ZC3H12C: variants seen among roughly 807,000 people sequenced by gnomAD.
ZC3H12C encodes the protein probable ribonuclease ZC3H12C.
A neutral mutation model predicts 76.3 loss-of-function variants in ZC3H12C; 20 were observed. The ratio of observed to expected loss-of-function variants is 0.26; its 90% CI spans 0.18 to 0.38. The LOEUF is 0.38. Ranked by LOEUF, ZC3H12C falls within the 10% of genes least tolerant of loss-of-function variation. The probability of loss-of-function intolerance (pLI) is 1.00; values close to 1 mark genes in which losing one functional copy is unlikely to be tolerated. For missense variants in ZC3H12C, 874 were observed against 1,086.5 expected, an observed-to-expected ratio of 0.80 and a Z score of 2.75; for synonymous variants, 352 against 399.6, an observed-to-expected ratio of 0.88 and a Z score of 1.42.
At position 110,164,727 on chromosome 11, in the gene ZC3H12C, T is replaced by C; in HGVS notation, c.1642T>C (p.Phe548Leu). ...CAATGGCCTTCCATCTGGAGTTCAT[T>C]TCCCACCTCAGGATCAAAGACCACA... ...LSNGLPSGVHFPPQDQRPQGQ... is the reference protein window; with the variant it reads ...LSNGLPSGVHLPPQDQRPQGQ... Residue 548 changes from phenylalanine to leucine, a missense_variant, in exon 6 of 6, where the codon TTC becomes CTC. By Grantham distance (22) the Phe-to-Leu change is conservative. Coordinates refer to ENST00000278590, the MANE Select transcript of ZC3H12C (RefSeq NM_033390.2). This position sits in a 1 kb window ranked among gnomAD's most constrained non-coding sequence, Gnocchi z 5.7. 6.2e-7 allele frequency: 1 copy of C among 1,613,976 alleles called. No homozygotes were observed. The highest frequency in any genetic ancestry group is 8.5e-7 in the Non-Finnish European group (1 of 1,179,894).
chr11:110,151,219 A>G (rs1230437220), intron 2 of ZC3H12C, among the ~76,000 whole-genome samples: 2 of 152,194 alleles, frequency 1.3e-5, no homozygotes, highest in Non-Finnish European at 2.9e-5. Context: ...CATTTTATGA[A>G]AGTAAAAGTT....
At chr11:110,138,955 G>T (rs916085323) in intron 2 of ZC3H12C, among the ~76,000 whole-genome samples, 3 of 152,172 alleles carry the variant, frequency 2.0e-5, no homozygotes, top group Non-Finnish European at 2.9e-5. Flanking sequence ...TCAGTATCCT[G>T]ATGTGGCTAT....
At chr11:110,148,228 A>G (rs1417926429) in intron 2 of ZC3H12C, among the ~76,000 whole-genome samples, 1 of 152,174 alleles carries the variant, frequency 6.6e-6, no homozygotes, top group African/African-American at 2.4e-5. Flanking sequence ...TTTTTCTGAG[A>G]ATTCCTGTAA....
chr11:110,165,346 C>T lies in ZC3H12C; in HGVS notation c.2261C>T (p.Ser754Phe). Residue 754 changes from serine (S) to phenylalanine (F), a missense_variant, in exon 6 of 6, where the codon TCT becomes TTT. By Grantham distance (155) the Ser-to-Phe change is radical. This residue lies in a region of ZC3H12C where 395 missense variants were observed against 434.4 expected (regional missense o/e 0.91). Coordinates refer to ENST00000278590, the MANE Select transcript of ZC3H12C (RefSeq NM_033390.2). Reference protein sequence around the residue: ...VATRIDSISDSRLYDSSPSRQ... With the variant: ...VATRIDSISDFRLYDSSPSRQ... ...ACGAGAATAGACAGCATCTCTGACT[C>T]TCGACTTTATGACAGTTCTCCTTCA... The T allele has an allele frequency of 6.2e-7, 1 of 1,614,018 alleles. No homozygotes were observed. Among genetic ancestry groups the T allele is most frequent in the Non-Finnish European group, 8.5e-7 (1 of 1,179,892 alleles).
At chr11:110,118,908 G>C (rs1320216866) in intron 1 of ZC3H12C, among the ~76,000 whole-genome samples, 1 of 152,218 alleles carries the variant, frequency 6.6e-6, no homozygotes, top group Non-Finnish European at 1.5e-5. Context: ...AACTGTCATT[G>C]ATTGAACAAT....
chr11:110,104,268 A>G (rs1268637702), intron 1 of ZC3H12C, among the ~76,000 whole-genome samples: 1 of 152,066 alleles, frequency 6.6e-6, no homozygotes, highest in Non-Finnish European at 1.5e-5. Flanking sequence ...CTTGTTGGCC[A>G]GGCTGGTCTT....
intron 1 of ZC3H12C, among the ~76,000 whole-genome samples, chr11:110,108,006 G>A (rs111552154): frequency 3.9e-5 from 6 of 152,084 alleles, no homozygotes; most frequent in African/African-American, 1.4e-4. Context: ...AGAGCACAGT[G>A]GCACAATAAT....
intron 4 of ZC3H12C, among the ~76,000 whole-genome samples, chr11:110,160,391 T>C (rs1862458339): frequency 1.6e-5 from 2 of 121,472 alleles, no homozygotes; most frequent in African/African-American, 2.8e-5. Context: ...ATATATAAAC[T>C]TCTTAGTTTT....
intron 1 of ZC3H12C, among the ~76,000 whole-genome samples, chr11:110,114,836 A>G (rs1242258644): frequency 6.6e-6 from 1 of 152,202 alleles, no homozygotes; most frequent in Non-Finnish European, 1.5e-5. Flanking sequence ...TTTAGTTAAC[A>G]GTTATTTTAG....
intron 2 of ZC3H12C, among the ~76,000 whole-genome samples, chr11:110,149,386 A>G (rs1343467377): frequency 6.6e-6 from 1 of 152,138 alleles, no homozygotes; most frequent in African/African-American, 2.4e-5. Flanking sequence ...TATTGAATCT[A>G]ATTTCGAGTT....
chr11:110,111,512 A>G (rs1861427389), intron 1 of ZC3H12C, among the ~76,000 whole-genome samples: 2 of 150,308 alleles, frequency 1.3e-5, no homozygotes, highest in African/African-American at 4.9e-5. Flanking sequence ...TCATTTGTCT[A>G]ATTGCCCGAT....
chr11:110,163,486 G>A, intron 5 of ZC3H12C, 107 bp downstream of exon 5: 1 of 775,808 alleles, frequency 1.3e-6, no homozygotes, highest in Non-Finnish European at 2.0e-6. Flanking sequence ...ATAATATGCA[G>A]TTCTTTGGAT....
At chr11:110,110,293 A>G (rs1278810970) in intron 1 of ZC3H12C, among the ~76,000 whole-genome samples, 3 of 152,068 alleles carry the variant, frequency 2.0e-5, no homozygotes, top group Admixed American at 6.5e-5. Context: ...GAGTTTCCCT[A>G]TGATATTAAT....
At chr11:110,097,878 CAT>C (rs879595155) in intron 1 of ZC3H12C, among the ~76,000 whole-genome samples, 36 of 152,204 alleles carry the variant, frequency 2.4e-4, no homozygotes, top group Non-Finnish European at 3.5e-4. Context: ...AGGCATTACT[CAT>C]ATGTTTGTGG....
rs548799810 is a variant in ZC3H12C at position 110,137,019 on chromosome 11, A to G, written c.378A>G (p.Leu126=). Reference sequence around the variant, plus strand: ...GACAGCTCTGCAGGTCTCCCTGTTTAGAGCCTCACATACTCAAGCGCAATG... The same window carrying G: ...GACAGCTCTGCAGGTCTCCCTGTTTGGAGCCTCACATACTCAAGCGCAATG... ...THRQLCRSPC[L]EPHILKRNEI... is the part of the protein sequence containing the mutation. The change falls in exon 2 of 6, where the codon TTA becomes TTG. Residue 126 remains leucine (L), a synonymous_variant. Coordinates refer to ENST00000278590, the MANE Select transcript of ZC3H12C (RefSeq NM_033390.2). 8.7e-6 allele frequency: 14 copies of G among 1,613,876 alleles called. No homozygotes were observed. Among genetic ancestry groups the G allele is most frequent in the African/African-American group, 4.0e-5 (3 of 75,070 alleles).
At chr11:110,113,429 CTTG>C (rs543088840) in intron 1 of ZC3H12C, among the ~76,000 whole-genome samples, 20 of 151,900 alleles carry the variant, frequency 1.3e-4, no homozygotes, top group Non-Finnish European at 2.8e-4. Flanking sequence ...GCTGCTACAT[CTTG>C]TTATTTTAAT....
intron 3 of ZC3H12C, among the ~76,000 whole-genome samples, chr11:110,154,108 A>G (rs1022577702): frequency 5.9e-5 from 9 of 152,246 alleles, no homozygotes; most frequent in African/African-American, 2.2e-4. Context: ...GCAGTGGCTC[A>G]TGCCTGTAAT....
At chr11:110,140,985 T>C (rs1212711502) in intron 2 of ZC3H12C, among the ~76,000 whole-genome samples, 1 of 152,178 alleles carries the variant, frequency 6.6e-6, no homozygotes, top group African/African-American at 2.4e-5. Flanking sequence ...AAAGTTAAAT[T>C]GTGGACAACT....
intron 1 of ZC3H12C, among the ~76,000 whole-genome samples, chr11:110,101,802 C>A (rs934444192): frequency 6.6e-6 from 1 of 151,990 alleles, no homozygotes; most frequent in Non-Finnish European, 1.5e-5. Flanking sequence ...CCCACTTTGG[C>A]CTCCCAAAGT....
Sources: gnomAD v4.1 joint callset for allele counts (sites outside exome capture counted in the v4.1 genomes callset) on GRCh38, gnomAD v4.1.1 for gene constraint, gnomAD v4.1.1 regional missense constraint, Gnocchi (gnomAD v3.1) non-coding constraint, MANE v1.5 for transcripts, NCBI Gene and HGNC (gene_info 2026-07-23, HGNC 2026-07-21) for gene names.